The following LACTB2 variants were observed in gnomAD, a reference collection of about 807,000 sequenced individuals.
LACTB2 encodes the protein lactamase beta 2.
Under a neutral mutation model 34.8 loss-of-function variants are expected in LACTB2, and 32 were observed. The ratio of observed to expected loss-of-function variants is 0.92; its 90% confidence interval spans 0.69 to 1.24. The LOEUF is 1.24. Among genes scored for constraint, LACTB2 ranks in the 50% most tolerant of loss-of-function variants. LACTB2 has a pLI of 0.00. For synonymous variants in LACTB2, 120 were observed against 117.5 expected, an observed-to-expected ratio of 1.02 and a Z score of -0.14; for missense variants, 320 against 345.0, an observed-to-expected ratio of 0.93 and a Z score of 0.57.
intron 3 of LACTB2, among the ~76,000 whole-genome samples, chr8:70,655,272 T>C (rs1586787725): frequency 6.6e-6 from 1 of 150,986 alleles, no homozygotes; most frequent in African/African-American, 2.4e-5. Flanking sequence ...CAGGCTGGAG[T>C]GCAGTGGCAC....
intron 3 of LACTB2, among the ~76,000 whole-genome samples, chr8:70,652,283 G>A (rs1818353038): frequency 6.6e-6 from 1 of 152,040 alleles, no homozygotes; most frequent in Non-Finnish European, 1.5e-5. Context: ...TCTGTCAAAT[G>A]TCTTTTCACT....
At chr8:70,653,161 G>T (rs1818366560) in intron 3 of LACTB2, among the ~76,000 whole-genome samples, 1 of 152,178 alleles carries the variant, frequency 6.6e-6, no homozygotes, top group African/African-American at 2.4e-5. Context: ...CCAGGCTGGA[G>T]TGTAGTGGCA....
At position 70,665,995 on chromosome 8, in the gene LACTB2, G is replaced by C. The variant is rs147675534; in HGVS notation, c.122+3004C>G. Among the ~76,000 whole-genome samples the C allele has an allele frequency of 2.0e-5, 3 of 152,308 alleles. No individual in the cohort carries two copies. The South Asian group carries it at 6.2e-4, about 32-fold the overall frequency. ...AAGCATCACAGTTAGGTCTAGCAGT[G>C]TTTTAGTGAAATTCATTTGGCTTCC... On this transcript the variant is annotated intron_variant, in intron 1 of 6. Transcript: ENST00000276590.
At chr8:70,657,713 A>G (rs369958967) in intron 3 of LACTB2, 43 bp downstream of exon 3, 2 of 1,572,082 alleles carry the variant, frequency 1.3e-6, no homozygotes, top group Non-Finnish European at 1.7e-6. Context: ...TAACACACAT[A>G]CACAGACTCT....
intron 4 of LACTB2, among the ~76,000 whole-genome samples, chr8:70,642,314 CA>C (rs1201323723): frequency 2.0e-5 from 3 of 152,088 alleles, no homozygotes; most frequent in African/African-American, 7.2e-5. Context: ...TCTAAATGCC[CA>C]GCTCTACCGT....
intron 1 of LACTB2, 144 bp from the exon 2 acceptor site, chr8:70,662,041 C>G (rs1818487009): frequency 9.5e-6 from 6 of 633,300 alleles, no homozygotes; most frequent in Non-Finnish European, 1.5e-5. Context: ...ATCACTTCAG[C>G]TTAACTACAG....
Position 70,644,211 on chromosome 8 carries a change from T to G in LACTB2, c.446A>C (p.His149Pro). Residue 149 changes from histidine (H) to proline (P), a missense_variant, in exon 4 of 7, where the codon CAC (histidine) becomes CCC (proline). His to Pro is a moderately conservative substitution (Grantham distance 77, BLOSUM62 -2). Coordinates refer to ENST00000276590, the MANE Select transcript of LACTB2 (RefSeq NM_016027.3). ...TTCCTCTTCTAAGAGTAGAGCCATG[T>G]GATCATCAGTGTGGCCAGGGGTATA... ...VLYTPGHTDDHMALLLEEENA... is the reference protein window; with the variant it reads ...VLYTPGHTDDPMALLLEEENA... The G allele has an allele frequency of 6.2e-7, 1 of 1,609,070 alleles. No individual in the cohort carries two copies. The highest frequency in any genetic ancestry group is 8.5e-7 in the Non-Finnish European group (1 of 1,178,022).
chr8:70,668,919 G>A, intron 1 of LACTB2, 80 bp downstream of exon 1: 1 of 1,531,832 alleles, frequency 6.5e-7, no homozygotes, highest in Non-Finnish European at 8.8e-7. Flanking sequence ...GCTCTCCACT[G>A]CCCGCGCAGC....
rs142839130 is a variant in LACTB2, at chr8:70,669,041, G to T, written c.80C>A (p.Thr27Asn). The T allele has an allele frequency of 3.1e-6, 5 of 1,609,362 alleles. No individual in the cohort carries two copies. The African/African-American group carries it at 6.7e-5, about 21-fold the overall frequency. ...TAGGTAGGTGTTGGTGCCTTGGAGG[G>T]TCATGGGACCCGGGTTACAGCCCAA... ...RVLGCNPGPM[T>N]LQGTNTYLVG... is the part of the protein sequence containing the mutation. The change falls in exon 1 of 7, where the codon ACC becomes AAC. Residue 27 changes from threonine (T) to asparagine (N), a missense_variant. By Grantham distance (65) the Thr-to-Asn change is moderately conservative. Transcript: ENST00000276590.
At chr8:70,638,470 T>C in intron 6 of LACTB2, 78 bp downstream of exon 6, 1 of 1,408,690 alleles carries the variant, frequency 7.1e-7, no homozygotes, top group Non-Finnish European at 9.5e-7. Flanking sequence ...GGGTATTATT[T>C]TTCCTCAAAG....
In LACTB2 at chr8:70,644,052, A is replaced by G; in HGVS notation, c.592+13T>C. On this transcript the variant is annotated intron_variant, in intron 4 of 6. Coordinates refer to ENST00000276590, the MANE Select transcript of LACTB2 (RefSeq NM_016027.3). ...AAAACATAAAAATATAAAAAAATTT[A>G]AAAATTACCCACCTGGATATATAAT... 6.7e-7 allele frequency: 1 copy of G among 1,501,958 alleles called. No homozygotes were observed. Among genetic ancestry groups the G allele is most frequent in the Non-Finnish European group, 8.9e-7 (1 of 1,126,650 alleles). The allele number at this position is 1,501,958 out of a possible 1,614,324, so 93.0% of individuals were successfully genotyped here.
At chr8:70,652,658 A>G (rs1818357161) in intron 3 of LACTB2, 1 of 152,284 alleles carries the variant, frequency 6.6e-6, no homozygotes, top group South Asian at 2.1e-4. Flanking sequence ...CACAAGGGAG[A>G]TTTCTGGGAC....
intron 2 of LACTB2, among the ~76,000 whole-genome samples, chr8:70,658,942 G>A (rs1278184095): frequency 5.9e-5 from 9 of 152,112 alleles, no homozygotes; most frequent in Admixed American, 6.5e-5. Flanking sequence ...CAGGAGAATC[G>A]AATGAGCCCA....
At chr8:70,639,321 C>T (rs529059246) in intron 5 of LACTB2, among the ~76,000 whole-genome samples, 58 of 151,198 alleles carry the variant, frequency 3.8e-4, no homozygotes, top group South Asian at 8.5e-4. Context: ...CACCATGCCT[C>T]GCTAATTTTT....
intron 3 of LACTB2, chr8:70,646,652 G>T (rs1208581080): frequency 6.6e-6 from 1 of 151,526 alleles, no homozygotes; most frequent in African/African-American, 2.4e-5. Flanking sequence ...TACTTTTAAA[G>T]TATGACAGGT....
chr8:70,660,412 G>A (rs555530206), intron 2 of LACTB2: 36 of 365,854 alleles, frequency 9.8e-5, no homozygotes, highest in African/African-American at 6.4e-4. Flanking sequence ...GAGCTAAGAG[G>A]GTAAGGAAGC....
intron 4 of LACTB2, among the ~76,000 whole-genome samples, chr8:70,642,291 G>A (rs1279145241): frequency 6.6e-6 from 1 of 152,074 alleles, no homozygotes; most frequent in Non-Finnish European, 1.5e-5. Flanking sequence ...ATCCTTTAAT[G>A]TCATCATATA....
At chr8:70,662,779 C>G (rs1818495916) in intron 1 of LACTB2, 1 of 152,196 alleles carries the variant, frequency 6.6e-6, no homozygotes, top group African/African-American at 2.4e-5. Flanking sequence ...CCTTGACCTC[C>G]TGGGCACAAG....
chr8:70,648,506 A>C (rs1471816687), intron 3 of LACTB2, among the ~76,000 whole-genome samples: 1 of 152,210 alleles, frequency 6.6e-6, no homozygotes, highest in East Asian at 1.9e-4. Context: ...ATGTAGTAAG[A>C]TTAGGCGATA....
Sources: gnomAD v4.1 joint callset for allele counts (sites outside exome capture counted in the v4.1 genomes callset) on GRCh38, gnomAD v4.1.1 for gene constraint, MANE v1.5 for transcripts, NCBI Gene and HGNC (gene_info 2026-07-23, HGNC 2026-07-21) for gene names.